Variants in TNRC6A observed in about 807,000 individuals in gnomAD.
The protein encoded by TNRC6A is trinucleotide repeat containing adaptor 6A, also known as trinucleotide repeat-containing gene 6A protein.
In TNRC6A, 44 loss-of-function variants were observed where a neutral mutation model predicts 221.2. The observed-to-expected ratio is 0.20, with a 90% CI of 0.16 to 0.26. TNRC6A has a LOEUF of 0.26. TNRC6A is among the 10% of genes least tolerant of loss of function. TNRC6A has a pLI of 1.00. For missense variants in TNRC6A, 2,199 were observed against 2,404.4 expected (o/e 0.91, Z 1.79); for synonymous variants, 847 against 838.5 (o/e 1.01, Z -0.18).
At chr16:24,711,536 A>G (rs1403517528) in intron 2 of TNRC6A, among the ~76,000 whole-genome samples, 2 of 152,176 alleles carry the variant, frequency 1.3e-5, no homozygotes, top group Non-Finnish European at 2.9e-5. Context: ...TTCTATGACT[A>G]TAGAATAATT....
chr16:24,750,576 T>A, intron 2 of TNRC6A, 150 bp from the exon 3 acceptor site: 5 of 952,162 alleles, frequency 5.3e-6, no homozygotes, highest in Non-Finnish European at 7.3e-6. Context: ...TAGGGTTAGG[T>A]TGCAGGTTGT....
chr16:24,660,924 G>A (rs1596616497), intron 2 of TNRC6A, among the ~76,000 whole-genome samples: 1 of 151,622 alleles, frequency 6.6e-6, no homozygotes, highest in East Asian at 1.9e-4. Context: ...TGTATTTTTA[G>A]TAGAGACGGG....
rs1451527042 is a variant in TNRC6A, at chr16:24,790,713, C to G, written c.2071C>G (p.Gln691Glu). Reference protein sequence around the residue: ...RLEEKGTGESQSRDRRKIDQH... With the variant: ...RLEEKGTGESESRDRRKIDQH... ...TGAGGAAAAAGGAACTGGGGAAAGT[C>G]AGAGTAGAGACAGAAGAAAAATTGA... Residue 691 changes from glutamine (Q) to glutamate (E), a missense_variant, in exon 6 of 25, where the codon CAG (glutamine) becomes GAG (glutamate). Gln to Glu is a conservative substitution (Grantham distance 29, BLOSUM62 2). Around this residue, in one of 8 missense-constraint regions of TNRC6A, gnomAD observed 1,405 missense variants for 1,400.2 expected, o/e 1.00. Transcript: ENST00000395799. 5.0e-6 allele frequency: 8 copies of G among 1,614,032 alleles called. No individual in the cohort carries two copies. Among genetic ancestry groups the G allele is most frequent in the Non-Finnish European group, 6.8e-6 (8 of 1,180,036 alleles).
chr16:24,776,750 A>G (rs555741698), intron 4 of TNRC6A, 183 bp from the exon 5 acceptor site: 1 of 985,408 alleles, frequency 1.0e-6, no homozygotes, highest in Non-Finnish European at 1.2e-6. Flanking sequence ...GAAGTGAAAT[A>G]TGACTCTTGG....
intron 2 of TNRC6A, among the ~76,000 whole-genome samples, chr16:24,675,690 CTCTCTCTCTCTCTATATA>C (rs1205255901): frequency 2.3e-4 from 20 of 87,078 alleles, no homozygotes; most frequent in Middle Eastern, 5.0e-3. Context: ...CTCTCTCTCT[CTCTCTCTCTCTCTATATA>C]TATATATATA....
At chr16:24,775,099 C>T (rs1160513966) in intron 4 of TNRC6A, among the ~76,000 whole-genome samples, 1 of 152,082 alleles carries the variant, frequency 6.6e-6, no homozygotes, top group Non-Finnish European at 1.5e-5. Flanking sequence ...ATTCTAGTGC[C>T]ATATGGTCTT....
chr16:24,719,153 G>A (rs2056367455), intron 2 of TNRC6A, among the ~76,000 whole-genome samples: 1 of 152,124 alleles, frequency 6.6e-6, no homozygotes, highest in African/African-American at 2.4e-5. Flanking sequence ...TTGTGCTAGA[G>A]GTGGAGATGT....
Position 24,825,864 on chromosome 16 carries a change from A to T in TNRC6A, c.*2057A>T, listed in dbSNP as rs1174812412. On this transcript the variant is annotated 3_prime_UTR_variant, in exon 25 of 25. Coordinates refer to ENST00000395799, the MANE Select transcript of TNRC6A (RefSeq NM_014494.4). Reference sequence around the variant, plus strand: ...CGGACTGGCCTTTTCTTCCCCCTTCACGGCCCTCGCTTCTCCCTGCAGGAG... The same window carrying T: ...CGGACTGGCCTTTTCTTCCCCCTTCTCGGCCCTCGCTTCTCCCTGCAGGAG... 1 of 152,590 alleles carries T rather than the reference A, an allele frequency of 6.6e-6. No homozygotes were observed. Among genetic ancestry groups the T allele is most frequent in the Non-Finnish European group, 1.5e-5 (1 of 68,038 alleles). The allele number at this position is 152,590 out of a possible 1,614,324, so 9.5% of individuals were successfully genotyped here.
chr16:24,717,129 A>G (rs2880611), intron 2 of TNRC6A, among the ~76,000 whole-genome samples: 58,144 of 151,816 alleles, frequency 0.38, 12,091 homozygotes, highest in African/African-American at 0.56. Flanking sequence ...TGTTGCCCAG[A>G]GCTGGAGTGC....
Position 24,777,014 on chromosome 16 carries a change from A to G in TNRC6A, c.245A>G (p.Asn82Ser). 1 of 1,614,148 alleles carries G rather than the reference A, an allele frequency of 6.2e-7. No homozygotes were observed. Among genetic ancestry groups the G allele is most frequent in the Non-Finnish European group, 8.5e-7 (1 of 1,180,038 alleles). ...NNGTSTATST[N>S]NNAKRATANN... is the part of the protein sequence containing the mutation. The stretch of plus-strand genomic sequence containing the variant: ...GGCACTTCCACAGCAACCAGCACTA[A>G]TAATAATGCCAAGCGAGCTACAGCC... Residue 82 changes from asparagine (N) to serine (S), a missense_variant, in exon 5 of 25, where the codon AAT becomes AGT. By Grantham distance (46) the Asn-to-Ser change is conservative. Coordinates refer to ENST00000395799, the MANE Select transcript of TNRC6A (RefSeq NM_014494.4).
At chr16:24,706,438 G>A (rs927045397) in intron 2 of TNRC6A, among the ~76,000 whole-genome samples, 2 of 152,132 alleles carry the variant, frequency 1.3e-5, no homozygotes, top group African/African-American at 2.4e-5. Flanking sequence ...TTGGCCGGGC[G>A]CAGTGGCTCA....
chr16:24,744,493 C>T (rs575045270), intron 2 of TNRC6A, among the ~76,000 whole-genome samples: 2 of 152,150 alleles, frequency 1.3e-5, no homozygotes, highest in African/African-American at 2.4e-5. Flanking sequence ...TCTCCATTCA[C>T]TCACTCAATC....
At chr16:24,675,702 C>CTCTCTCTCTATA (rs1180245687) in intron 2 of TNRC6A, among the ~76,000 whole-genome samples, 16 of 33,266 alleles carry the variant, frequency 4.8e-4, no homozygotes, top group East Asian at 1.0e-3. Context: ...CTCTCTCTCT[C>CTCTCTCTCTATA]TATATATATA....
In TNRC6A at chr16:24,625,809, G is replaced by C. The variant is rs113199349; in HGVS notation, n.277-15075G>C. Among the ~76,000 whole-genome samples, 383 of 151,872 alleles carry C rather than the reference G, an allele frequency of 2.5e-3. 15 individuals carry two copies. In the South Asian group the frequency reaches 0.059, roughly 23 times the overall value. On this transcript the variant is annotated intron_variant and non_coding_transcript_variant, in intron 1 of 2. Transcript: ENST00000566108. ...CGCTTGTAATCCCAGCTACTCAGGA[G>C]GCTGAGGCAGGAGAATTGCTTGAAC...
chr16:24,640,099 A>T (rs914480931), intron 1 of TNRC6A, among the ~76,000 whole-genome samples: 1 of 152,194 alleles, frequency 6.6e-6, no homozygotes, highest in Non-Finnish European at 1.5e-5. Flanking sequence ...GAATAAAAGT[A>T]CAAGATAATA....
intron 2 of TNRC6A, among the ~76,000 whole-genome samples, chr16:24,719,818 G>A (rs993604219): frequency 3.3e-5 from 5 of 149,524 alleles, no homozygotes; most frequent in Admixed American, 6.7e-5. Context: ...TCAAGCTCAG[G>A]CAACAGAGTG....
At chr16:24,690,426 G>A (rs1221648375) in intron 2 of TNRC6A, among the ~76,000 whole-genome samples, 1 of 152,150 alleles carries the variant, frequency 6.6e-6, no homozygotes, top group Non-Finnish European at 1.5e-5. Flanking sequence ...TCAACAAAAA[G>A]CTTCAAGGGA....
chr16:24,657,312 T>A, intron 2 of TNRC6A, among the ~76,000 whole-genome samples: 1 of 58,258 alleles, frequency 1.7e-5, no homozygotes, highest in Admixed American at 3.0e-4. Context: ...AGTGAGACCC[T>A]ATCTCAAAAA....
chr16:24,799,487 G>A (rs1200009419), intron 11 of TNRC6A, among the ~76,000 whole-genome samples: 4 of 152,160 alleles, frequency 2.6e-5, no homozygotes, highest in Non-Finnish European at 4.4e-5. Flanking sequence ...ACAGCCCCAA[G>A]GGTCATTGTA....
Sources: gnomAD v4.1 joint callset for allele counts (sites outside exome capture counted in the v4.1 genomes callset) on GRCh38, gnomAD v4.1.1 for gene constraint, gnomAD v4.1.1 regional missense constraint, MANE v1.5 for transcripts, NCBI Gene and HGNC (gene_info 2026-07-23, HGNC 2026-07-21) for gene names.